The following SDR42E1 variants were observed in gnomAD, a reference collection of about 807,000 sequenced individuals.
SDR42E1 encodes the protein short-chain dehydrogenase/reductase family 42E member 1.
A neutral mutation model predicts 2.6 loss-of-function variants in SDR42E1; 5 were observed. The observed-to-expected ratio is 1.94, with a 90% confidence interval of 1.01 to 4.08. The LOEUF is 4.08. Ranked by LOEUF, SDR42E1 falls within the 30% of genes most tolerant of loss-of-function variation. The probability of loss-of-function intolerance (pLI) is 0.00; values close to 1 mark genes in which losing one functional copy is unlikely to be tolerated. For synonymous variants in SDR42E1, 231 were observed against 188.3 expected (o/e 1.23, Z -1.86); for missense variants, 596 against 478.6 (o/e 1.25, Z -2.29).
chr16:82,008,007 C>G (rs148782094), intron 1 of SDR42E1: 1 of 152,094 alleles, frequency 6.6e-6, no homozygotes, highest in Admixed American at 6.5e-5. Context: ...TGGAGGGACC[C>G]GGTAGGAGGT....
rs1368473220 is a variant in SDR42E1, at chr16:81,998,002, C to G, written c.*1109G>C. Reference sequence around the variant, plus strand: ...TGTTCCCATACTATCCTTTCTGTAGCTGGAGCCATGGACAGACATGGACTC... The same window carrying G: ...TGTTCCCATACTATCCTTTCTGTAGGTGGAGCCATGGACAGACATGGACTC... On this transcript the variant is annotated 3_prime_UTR_variant, in exon 3 of 3. Transcript: ENST00000328945. 1 of 152,214 alleles carries G rather than the reference C, an allele frequency of 6.6e-6. No individual in the cohort carries two copies. Among genetic ancestry groups the G allele is most frequent in the Non-Finnish European group, 1.5e-5 (1 of 68,044 alleles). 9.4% of individuals were successfully genotyped at this position (152,214 alleles called of 1,614,324 possible). A position where few individuals can be genotyped will look rare whatever the true frequency, so the allele number is the denominator to read the frequency against.
At position 81,989,451 on chromosome 16, in the gene SDR42E1, T is replaced by G. The variant is rs1207327074; in HGVS notation, c.*9660A>C. On this transcript the variant is annotated 3_prime_UTR_variant, in exon 3 of 3. Coordinates refer to ENST00000328945, the MANE Select transcript of SDR42E1 (RefSeq NM_145168.3). ...TATATAAGAAAAATACATCTATGCA[T>G]TATTTGTATAGTTACTTTTAAATCT... 6 of 152,214 alleles carry G rather than the reference T, an allele frequency of 3.9e-5. No homozygotes were observed. The allele number at this position is 152,214 out of a possible 1,614,324, so 9.4% of individuals were successfully genotyped here.
chr16:82,008,181 G>A (rs1416169856), intron 1 of SDR42E1, among the ~76,000 whole-genome samples: 1 of 152,138 alleles, frequency 6.6e-6, no homozygotes, highest in African/African-American at 2.4e-5. Flanking sequence ...TGATTATGAG[G>A]CCTCCCCAGC....
chr16:82,004,702 T>C (rs908935499), intron 1 of SDR42E1, among the ~76,000 whole-genome samples: 12 of 152,186 alleles, frequency 7.9e-5, no homozygotes, highest in African/African-American at 2.9e-4. Flanking sequence ...CAAGCCTTTG[T>C]AGGTTTACAG....
chr16:82,008,941 G>A (rs1004415929), intron 1 of SDR42E1, among the ~76,000 whole-genome samples: 1 of 152,210 alleles, frequency 6.6e-6, no homozygotes, highest in Non-Finnish European at 1.5e-5. Flanking sequence ...ATGCAGCCTA[G>A]GGACTTGGTG....
Position 82,000,045 on chromosome 16 carries a change from C to T in SDR42E1, c.248G>A (p.Gly83Asp). 1 of 1,614,196 alleles carries T rather than the reference C, an allele frequency of 6.2e-7. No individual in the cohort carries two copies. Among genetic ancestry groups the T allele is most frequent in the African/African-American group, 1.3e-5 (1 of 75,034 alleles). ...ATTGAGTTGCTCCCGCCCTGACATA[C>T]CATAAGAGGCAATATGGAACACACA... ...VTCVFHIASY[G>D]MSGREQLNRN... The change falls in exon 3 of 3, where the codon GGT becomes GAT. Residue 83 changes from glycine to aspartate, a missense_variant. Physicochemically the swap from Gly to Asp is moderately conservative, Grantham distance 94. Coordinates refer to ENST00000328945, the MANE Select transcript of SDR42E1 (RefSeq NM_145168.3).
chr16:81,993,478 T>A lies in SDR42E1; in HGVS notation c.*5633A>T, dbSNP rs1359539308. The A allele has an allele frequency of 6.6e-6, 1 of 152,210 alleles. No individual in the cohort carries two copies. Among genetic ancestry groups the A allele is most frequent in the African/African-American group, 2.4e-5 (1 of 41,442 alleles). 9.4% of individuals were successfully genotyped at this position (152,210 alleles called of 1,614,324 possible). On this transcript the variant is annotated 3_prime_UTR_variant, in exon 3 of 3. Coordinates refer to ENST00000328945, the MANE Select transcript of SDR42E1 (RefSeq NM_145168.3). ...TTCCCCTGCCCCCGTGCTTTTCTGG[T>A]TGTTACAGTGAAAGGACCGATTCCA...
chr16:82,010,036 G>A (rs1034649181), intron 1 of SDR42E1, among the ~76,000 whole-genome samples: 2 of 152,218 alleles, frequency 1.3e-5, no homozygotes, highest in African/African-American at 4.8e-5. Flanking sequence ...CATATAAGAC[G>A]TAAGATGTGA....
rs1254177834 is a variant in SDR42E1, at chr16:81,993,305, C to T, written c.*5806G>A. On this transcript the variant is annotated 3_prime_UTR_variant, in exon 3 of 3. Coordinates refer to ENST00000328945, the MANE Select transcript of SDR42E1 (RefSeq NM_145168.3). ...GTTTAGTATCTGGCACCAGTGCTCA[C>T]CTCCTTGTTGAAAGATAAGAAACAC... 1.3e-5 allele frequency: 2 copies of T among 152,186 alleles called. No homozygotes were observed. Among genetic ancestry groups the T allele is most frequent in the Non-Finnish European group, 2.9e-5 (2 of 68,038 alleles). 9.4% of individuals were successfully genotyped at this position (152,186 alleles called of 1,614,324 possible). A position where few individuals can be genotyped will look rare whatever the true frequency, so the allele number is the denominator to read the frequency against.
Position 81,989,410 on chromosome 16 carries a change from C to T in SDR42E1, c.*9701G>A, listed in dbSNP as rs770011401. ...AGTAAAAGGGGTCTTTGGCCTTATC[C>T]GTAATATTTTAACATTATATAAGAA... On this transcript the variant is annotated 3_prime_UTR_variant, in exon 3 of 3. Transcript: ENST00000328945. The T allele has an allele frequency of 5.3e-5, 8 of 152,116 alleles. No homozygotes were observed. The highest frequency in any genetic ancestry group is 1.2e-4 in the African/African-American group (5 of 41,508). 9.4% of individuals were successfully genotyped at this position (152,116 alleles called of 1,614,324 possible).
chr16:82,008,909 G>C (rs892318598), intron 1 of SDR42E1, among the ~76,000 whole-genome samples: 7 of 152,170 alleles, frequency 4.6e-5, no homozygotes, highest in Non-Finnish European at 8.8e-5. Flanking sequence ...TTCCTGGGCT[G>C]GGTCCAGGGT....
rs746243647 is a variant in SDR42E1 at position 81,994,600 on chromosome 16, G to A, written c.*4511C>T. On this transcript the variant is annotated 3_prime_UTR_variant, in exon 3 of 3. Transcript: ENST00000328945. ...ATGCTGGTGAACAGCACACAACCTG[G>A]TGTGCCATCTCTAAGCAAGAGATGC... The A allele has an allele frequency of 1.8e-4, 28 of 152,156 alleles. No individual in the cohort carries two copies. Among genetic ancestry groups the A allele is most frequent in the Admixed American group, 3.9e-4 (6 of 15,282 alleles). The allele number at this position is 152,156 out of a possible 1,614,324, so 9.4% of individuals were successfully genotyped here.
Position 81,991,072 on chromosome 16 carries a change from G to C in SDR42E1, c.*8039C>G, listed in dbSNP as rs777364896. 6.6e-6 allele frequency: 1 copy of C among 152,156 alleles called. No individual in the cohort carries two copies. The highest frequency in any genetic ancestry group is 1.5e-5 in the Non-Finnish European group (1 of 68,038). The allele number at this position is 152,156 out of a possible 1,614,324, so 9.4% of individuals were successfully genotyped here. A position where few individuals can be genotyped will look rare whatever the true frequency, so the allele number is the denominator to read the frequency against. The stretch of plus-strand genomic sequence containing the variant: ...AGATACTGATTTAGAGGAGAGACTA[G>C]GACATGTGCAATGTGACCAATATCA... On this transcript the variant is annotated 3_prime_UTR_variant, in exon 3 of 3. Transcript: ENST00000328945.
chr16:82,008,276 G>C (rs1211072735), intron 1 of SDR42E1, among the ~76,000 whole-genome samples: 1 of 152,182 alleles, frequency 6.6e-6, no homozygotes, highest in Non-Finnish European at 1.5e-5. Flanking sequence ...TATGAGAATG[G>C]ACTAATACAG....
In SDR42E1 at chr16:82,000,825, G is replaced by C. The variant is rs142389050; in HGVS notation, c.34C>G (p.Leu12Val). The change falls in exon 2 of 3, where the codon CTC (leucine) becomes GTC (valine). Residue 12 changes from leucine (L) to valine (V), a missense_variant. Physicochemically the swap from Leu to Val is conservative, Grantham distance 32. Coordinates refer to ENST00000328945, the MANE Select transcript of SDR42E1 (RefSeq NM_145168.3). The part of the protein sequence containing the change: ...DPKRSQKESV[L>V]ITGGSGYFGF... ...AAATAGCCACTTCCTCCTGTAATGA[G>C]GACACTTTCCTTTTGAGATCTTTTG... The C allele has an allele frequency of 2.6e-4, 425 of 1,613,842 alleles. No individual in the cohort carries two copies. The African/African-American group carries it at 5.0e-3, about 19-fold the overall frequency.
In SDR42E1 at chr16:81,999,506, A is replaced by T; in HGVS notation, c.787T>A (p.Phe263Ile). ...FISDGRPVNNFEFFRPLVEGL... is the reference protein window; with the variant it reads ...FISDGRPVNNIEFFRPLVEGL... ...TCAACCAGAGGCCGGAAGAACTCAA[A>T]GTTGTTCACGGGTCTGCCATCTGAG... Residue 263 changes from phenylalanine to isoleucine, a missense_variant, in exon 3 of 3, where the codon TTT becomes ATT. Coordinates refer to ENST00000328945, the MANE Select transcript of SDR42E1 (RefSeq NM_145168.3). 1 of 1,614,172 alleles carries T rather than the reference A, an allele frequency of 6.2e-7. No homozygotes were observed. Among genetic ancestry groups the T allele is most frequent in the Non-Finnish European group, 8.5e-7 (1 of 1,180,024 alleles).
chr16:82,003,395 G>A (rs1912833461), intron 1 of SDR42E1, among the ~76,000 whole-genome samples: 1 of 152,150 alleles, frequency 6.6e-6, no homozygotes, highest in Non-Finnish European at 1.5e-5. Flanking sequence ...AACCCTTCAT[G>A]ATGAATGCTA....
intron 1 of SDR42E1, chr16:82,007,532 G>A (rs1912980547): frequency 2.0e-5 from 3 of 152,228 alleles, no homozygotes; most frequent in African/African-American, 7.2e-5. Context: ...GCAAATGGTA[G>A]AGCAGGGATC....
intron 1 of SDR42E1, among the ~76,000 whole-genome samples, chr16:82,001,987 C>T (rs1239898143): frequency 6.6e-6 from 1 of 150,948 alleles, no homozygotes; most frequent in Non-Finnish European, 1.5e-5. Context: ...CACACACACA[C>T]ACACATATAC....
Sources: allele counts gnomAD v4.1 joint callset (sites outside exome capture counted in the v4.1 genomes callset), GRCh38; gene constraint gnomAD v4.1.1; transcripts MANE v1.5; gene names NCBI Gene and HGNC (gene_info 2026-07-23, HGNC 2026-07-21).